The following C10orf143 variants were observed in gnomAD, a reference collection of about 807,000 sequenced individuals.
C10orf143 encodes the protein chromosome 10 open reading frame 143.
At chr10:130,042,472 T>C (rs985265908) in intron 3 of C10orf143, among the ~76,000 whole-genome samples, 1 of 152,242 alleles carries the variant, frequency 6.6e-6, no homozygotes, top group African/African-American at 2.4e-5. Context: ...ACGGTCTCAG[T>C]CCTGGACAAT....
chr10:130,100,630 TA>T (rs1344135324), intron 1 of C10orf143, among the ~76,000 whole-genome samples: 3 of 152,196 alleles, frequency 2.0e-5, no homozygotes, highest in Non-Finnish European at 4.4e-5. Flanking sequence ...ACACGGAAGA[TA>T]TTTTTTAAAA....
chr10:130,086,755 C>G (rs967122058), intron 1 of C10orf143, among the ~76,000 whole-genome samples: 2 of 152,220 alleles, frequency 1.3e-5, no homozygotes, highest in African/African-American at 4.8e-5. Context: ...CCTCTTTTCT[C>G]AATAACACAG....
intron 3 of C10orf143, among the ~76,000 whole-genome samples, chr10:130,043,412 A>G (rs1860629669): frequency 6.6e-6 from 1 of 152,224 alleles, no homozygotes; most frequent in Non-Finnish European, 1.5e-5. Context: ...ACTGGAAAGT[A>G]TGATTTTTAC....
At chr10:130,084,139 T>A (rs1861252142) in intron 1 of C10orf143, among the ~76,000 whole-genome samples, 1 of 151,544 alleles carries the variant, frequency 6.6e-6, no homozygotes, top group African/African-American at 2.4e-5. Flanking sequence ...TAAAACCCCA[T>A]CTCTACTAAA....
chr10:130,039,092 A>T (rs1860577018), intron 3 of C10orf143, among the ~76,000 whole-genome samples: 1 of 151,966 alleles, frequency 6.6e-6, no homozygotes, highest in Non-Finnish European at 1.5e-5. Flanking sequence ...GGGAACAGTG[A>T]CACTAGTCCA....
chr10:130,092,527 G>C (rs1232683850), intron 1 of C10orf143, among the ~76,000 whole-genome samples: 1 of 152,068 alleles, frequency 6.6e-6, no homozygotes, highest in Non-Finnish European at 1.5e-5. Context: ...AAAATAACTA[G>C]CTAGCATCAT....
At chr10:130,077,305 A>G (rs1412311292) in intron 3 of C10orf143, among the ~76,000 whole-genome samples, 1 of 152,188 alleles carries the variant, frequency 6.6e-6, no homozygotes, top group Non-Finnish European at 1.5e-5. Context: ...GCTTAGGAAC[A>G]GAAGGACCAC....
At chr10:130,036,876 G>A (rs557004694) in intron 3 of C10orf143, among the ~76,000 whole-genome samples, 5 of 152,188 alleles carry the variant, frequency 3.3e-5, no homozygotes, top group East Asian at 1.9e-4. Flanking sequence ...CCAGCATCCC[G>A]CACTTTTTGC....
intron 1 of C10orf143, among the ~76,000 whole-genome samples, chr10:130,102,282 ATTATTT>A (rs1590035712): frequency 6.6e-6 from 1 of 152,052 alleles, no homozygotes; most frequent in East Asian, 1.9e-4. Flanking sequence ...ATATTCGTTT[ATTATTT>A]TTATTTTTTT....
At position 130,110,724 on chromosome 10, in the gene C10orf143, G is replaced by A. The variant is rs1224381609; in HGVS notation, c.49C>T (p.Leu17=). 1 of 398,970 alleles carries A rather than the reference G, an allele frequency of 2.5e-6. No homozygotes were observed. 24.7% of individuals were successfully genotyped at this position (398,970 alleles called of 1,614,324 possible). A position where few individuals can be genotyped will look rare whatever the true frequency, so the allele number is the denominator to read the frequency against. Residue 17 remains leucine (L), a synonymous_variant, in exon 1 of 4, where the codon CTG becomes TTG. Transcript: ENST00000637128. ...GRWRQRRAED[L]QVPGDVKRVC... The stretch of plus-strand genomic sequence containing the variant: ...CTCACCACGTCCCCCGGAACCTGCA[G>A]ATCCTCCGCCCTCCGCTGTCGCCAG...
intron 3 of C10orf143, among the ~76,000 whole-genome samples, chr10:130,036,296 G>A (rs1860544449): frequency 6.6e-6 from 1 of 152,160 alleles, no homozygotes; most frequent in African/African-American, 2.4e-5. Flanking sequence ...AGCCCATCTG[G>A]GGTCTTGAGC....
intron 1 of C10orf143, among the ~76,000 whole-genome samples, chr10:130,101,874 A>AAAAAAAAAC (rs1861561400): frequency 1.4e-5 from 2 of 141,286 alleles, no homozygotes; most frequent in African/African-American, 5.4e-5. Context: ...CCAAAAAAAA[A>AAAAAAAAAC]AAAAAAAAAA....
intron 1 of C10orf143, chr10:130,108,375 G>A: frequency 1.7e-6 from 2 of 1,146,352 alleles, no homozygotes; most frequent in Non-Finnish European, 2.7e-6. Flanking sequence ...TCTGAAGGTA[G>A]AAGTGAGTTC....
At chr10:130,102,402 A>G (rs1861572391) in intron 1 of C10orf143, among the ~76,000 whole-genome samples, 1 of 152,008 alleles carries the variant, frequency 6.6e-6, no homozygotes, top group Non-Finnish European at 1.5e-5. Context: ...CCTCTTGAGT[A>G]GCTGGGATTA....
rs948379119 is a variant in C10orf143, at chr10:130,064,075, G to A, written c.*279C>T. ...TTTTTGACTTGTAAATAATGCAATT[G>A]ATCTCCCTCTCAACCAGGAACATTC... On this transcript the variant is annotated 3_prime_UTR_variant, in exon 4 of 4. Coordinates refer to ENST00000637128, the MANE Select transcript of C10orf143 (RefSeq NM_001355042.2). 1 of 320,558 alleles carries A rather than the reference G, an allele frequency of 3.1e-6. No individual in the cohort carries two copies. The highest frequency in any genetic ancestry group is 5.6e-6 in the Non-Finnish European group (1 of 177,476). The allele number at this position is 320,558 out of a possible 1,614,324, so 19.9% of individuals were successfully genotyped here.
rs187109981 is a variant in C10orf143, at chr10:130,041,866, C to T, written c.298-5896G>A. On this transcript the variant is annotated intron_variant and NMD_transcript_variant, in intron 3 of 5. Coordinates refer to the C10orf143 transcript ENST00000643056. ...ACACACATGCACCCATGTGCATACT[C>T]TCACATGAACACGTGTAACACACAC... Among the ~76,000 whole-genome samples, 265 of 152,096 alleles carry T rather than the reference C, an allele frequency of 1.7e-3. 1 individual carries two copies. Among genetic ancestry groups the T allele is most frequent in the African/African-American group, 5.4e-3 (223 of 41,516 alleles).
intron 3 of C10orf143, among the ~76,000 whole-genome samples, chr10:130,053,000 C>T (rs953175522): frequency 6.6e-6 from 1 of 152,160 alleles, no homozygotes; most frequent in African/African-American, 2.4e-5. Flanking sequence ...TACAGAGGAA[C>T]TATGGGCAGG....
chr10:130,083,176 A>T (rs900999101), intron 1 of C10orf143, among the ~76,000 whole-genome samples: 1 of 152,228 alleles, frequency 6.6e-6, no homozygotes, highest in Non-Finnish European at 1.5e-5. Context: ...CATGAAAAAA[A>T]GTGTTCAAAT....
At chr10:130,094,989 C>CAA (rs139342007) in intron 1 of C10orf143, among the ~76,000 whole-genome samples, 4 of 151,854 alleles carry the variant, frequency 2.6e-5, no homozygotes, top group Admixed American at 6.6e-5. Flanking sequence ...ATTGTCTCAG[C>CAA]AAAAAATCTC....
Sources: gnomAD v4.1 joint callset for allele counts (sites outside exome capture counted in the v4.1 genomes callset) on GRCh38, gnomAD v4.1.1 for gene constraint, MANE v1.5 for transcripts, NCBI Gene and HGNC (gene_info 2026-07-23, HGNC 2026-07-21) for gene names.